The following CNTLN variants were observed in gnomAD, a reference collection of about 807,000 sequenced individuals.
CNTLN encodes centlein, centrosomal protein.
Under a neutral mutation model 180.0 loss-of-function variants are expected in CNTLN, and 212 were observed. That is an observed-to-expected ratio of 1.18 (90% confidence interval 1.05 to 1.32). The LOEUF (loss-of-function observed/expected upper bound fraction) is 1.32. Among genes scored for constraint, CNTLN ranks in the 40% most tolerant of loss-of-function variants. The pLI, the probability that CNTLN is intolerant of heterozygous loss-of-function variation, is 0.00. For synonymous variants in CNTLN, 722 were observed against 563.1 expected, an observed-to-expected ratio of 1.28 and a Z score of -3.99; for missense variants, 2,095 against 1,610.9, an observed-to-expected ratio of 1.30 and a Z score of -5.14.
At chr9:17,500,342 G>A (rs1462234214) in intron 25 of CNTLN, among the ~76,000 whole-genome samples, 1 of 152,188 alleles carries the variant, frequency 6.6e-6, no homozygotes, top group Non-Finnish European at 1.5e-5. Flanking sequence ...TAAAGGTAAT[G>A]TCCATGTTGA....
intron 8 of CNTLN, among the ~76,000 whole-genome samples, chr9:17,313,378 CCT>C (rs1284908311): frequency 6.6e-6 from 1 of 151,496 alleles, no homozygotes; most frequent in Non-Finnish European, 1.5e-5. Flanking sequence ...CGTTTCTCTG[CCT>C]CTCTTTTTCT....
chr9:17,488,600 G>T (rs1832998547), intron 25 of CNTLN, among the ~76,000 whole-genome samples: 1 of 151,980 alleles, frequency 6.6e-6, no homozygotes, highest in East Asian at 1.9e-4. Flanking sequence ...TACTGACACT[G>T]GACCTGAGTT....
At chr9:17,418,494 T>C (rs1484103647) in intron 18 of CNTLN, among the ~76,000 whole-genome samples, 1 of 151,964 alleles carries the variant, frequency 6.6e-6, no homozygotes, top group African/African-American at 2.4e-5. Context: ...ACTGGGAAAT[T>C]TTTCAGGTTA....
chr9:17,456,917 A>G (rs369267992), intron 18 of CNTLN, among the ~76,000 whole-genome samples: 29 of 152,286 alleles, frequency 1.9e-4, no homozygotes, highest in African/African-American at 6.5e-4. Flanking sequence ...AAAATTCAAA[A>G]TGTAAGGAGT....
At chr9:17,216,358 C>G (rs1167050763) in intron 2 of CNTLN, among the ~76,000 whole-genome samples, 2 of 151,938 alleles carry the variant, frequency 1.3e-5, no homozygotes, top group Admixed American at 1.3e-4. Flanking sequence ...ATACTTTTTT[C>G]TTGTGCTCAC....
chr9:17,356,287 C>G (rs1453526617), intron 12 of CNTLN, among the ~76,000 whole-genome samples: 1 of 152,080 alleles, frequency 6.6e-6, no homozygotes, highest in Non-Finnish European at 1.5e-5. Context: ...TAATCAAGCA[C>G]AAGAAACTCA....
At chr9:17,516,452 C>A in the CNTLN span, among the ~76,000 whole-genome samples, 1 of 152,074 alleles carries the variant, frequency 6.6e-6, no homozygotes, top group Non-Finnish European at 1.5e-5. Context: ...ACATGAAGAC[C>A]CGAAGACCCA....
intron 16 of CNTLN, among the ~76,000 whole-genome samples, chr9:17,412,945 A>T (rs1479802303): frequency 2.6e-5 from 4 of 152,186 alleles, no homozygotes. Flanking sequence ...TAAATAGAAG[A>T]TATAAAAGTA....
Position 17,279,818 on chromosome 9 carries a change from G to A in CNTLN, c.983+5952G>A, listed in dbSNP as rs138358467. ...AGTTCATGTTGAAATTTAGTCCTCA[G>A]TGTGGGACATTGGGCTCTGCCTTCA... On this transcript the variant is annotated intron_variant, in intron 6 of 25. Coordinates refer to ENST00000380647, the MANE Select transcript of CNTLN (RefSeq NM_017738.4). 5.0e-4 allele frequency among the ~76,000 whole-genome samples: 76 copies of A among 152,320 alleles called. 2 individuals are homozygous for A. Among genetic ancestry groups the A allele is most frequent in the African/African-American group, 1.3e-3 (55 of 41,582 alleles).
At chr9:17,264,475 C>T (rs1263873858) in intron 5 of CNTLN, among the ~76,000 whole-genome samples, 2 of 148,508 alleles carry the variant, frequency 1.3e-5, no homozygotes, top group Non-Finnish European at 3.0e-5. Flanking sequence ...AGTCAGGTAT[C>T]ATGATGCCTT....
intron 18 of CNTLN, among the ~76,000 whole-genome samples, chr9:17,438,555 A>C (rs1210123041): frequency 6.6e-6 from 1 of 152,180 alleles, no homozygotes; most frequent in East Asian, 1.9e-4. Flanking sequence ...TAAAATATTA[A>C]AAAGGGCCTC....
At chr9:17,196,396 A>T (rs980228953) in intron 2 of CNTLN, among the ~76,000 whole-genome samples, 8 of 152,166 alleles carry the variant, frequency 5.3e-5, no homozygotes, top group African/African-American at 1.7e-4. Flanking sequence ...CATCTTTAAA[A>T]GGATTTTATA....
intron 14 of CNTLN, 72 bp downstream of exon 14, chr9:17,388,325 A>G (rs1450961916): frequency 1.0e-6 from 1 of 999,658 alleles, no homozygotes; most frequent in South Asian, 1.6e-5. Flanking sequence ...TATATTTTAA[A>G]ACGAGGGCTT....
At chr9:17,272,533 G>A (rs945487923) in intron 5 of CNTLN, among the ~76,000 whole-genome samples, 1 of 151,964 alleles carries the variant, frequency 6.6e-6, no homozygotes, top group African/African-American at 2.4e-5. Flanking sequence ...GTACTTTTTG[G>A]TACCTCAGTC....
At chr9:17,180,332 A>C (rs1320928343) in intron 2 of CNTLN, among the ~76,000 whole-genome samples, 1 of 140,476 alleles carries the variant, frequency 7.1e-6, no homozygotes, top group African/African-American at 2.7e-5. Context: ...ATATATCTTT[A>C]GTGGTTGCTC....
At chr9:17,321,752 T>A (rs546827372) in intron 8 of CNTLN, among the ~76,000 whole-genome samples, 10 of 152,302 alleles carry the variant, frequency 6.6e-5, no homozygotes, top group Middle Eastern at 6.8e-3. Context: ...TTTGTCATAC[T>A]TTAGTTGCAA....
At chr9:17,404,451 G>A (rs1280980943) in intron 15 of CNTLN, among the ~76,000 whole-genome samples, 1 of 151,626 alleles carries the variant, frequency 6.6e-6, no homozygotes, top group Non-Finnish European at 1.5e-5. Context: ...CACAATTATG[G>A]TCTGTAGAGG....
intron 25 of CNTLN, among the ~76,000 whole-genome samples, chr9:17,498,723 A>G (rs1438760711): frequency 6.6e-6 from 1 of 152,180 alleles, no homozygotes; most frequent in Non-Finnish European, 1.5e-5. Context: ...CCAAGAGAGA[A>G]AAAGAAATCA....
At chr9:17,417,488 A>G (rs1220767021) in intron 18 of CNTLN, among the ~76,000 whole-genome samples, 3 of 152,072 alleles carry the variant, frequency 2.0e-5, no homozygotes, top group Non-Finnish European at 2.9e-5. Flanking sequence ...TAATTGTTCA[A>G]TCTTATTATA....
Sources: gnomAD v4.1 joint callset for allele counts (sites outside exome capture counted in the v4.1 genomes callset) on GRCh38, gnomAD v4.1.1 for gene constraint, MANE v1.5 for transcripts, NCBI Gene and HGNC (gene_info 2026-07-23, HGNC 2026-07-21) for gene names.